Variants in RASA3 observed in about 807,000 individuals in gnomAD.
RASA3 encodes the protein ras GTPase-activating protein 3.
RASA3 carries 73 observed loss-of-function variants against 110.0 expected under a neutral mutation model. The observed-to-expected ratio is 0.66, with a 90% CI of 0.55 to 0.81. RASA3 has a LOEUF of 0.81. RASA3 is among the 30% of genes least tolerant of loss of function. RASA3 has a pLI of 0.00. For missense variants in RASA3, 976 were observed against 1,113.2 expected, an observed-to-expected ratio of 0.88 and a Z score of 1.75; for synonymous variants, 500 against 451.4, an observed-to-expected ratio of 1.11 and a Z score of -1.37.
At chr13:114,004,710 G>A (rs1480982528) in intron 18 of RASA3, among the ~76,000 whole-genome samples, 1 of 152,140 alleles carries the variant, frequency 6.6e-6, no homozygotes, top group African/African-American at 2.4e-5. Context: ...AGCGCTTAAG[G>A]AAACCCACGG....
intron 1 of RASA3, among the ~76,000 whole-genome samples, chr13:114,107,975 C>T (rs139303364): frequency 1.4e-3 from 210 of 152,190 alleles, no homozygotes; most frequent in African/African-American, 2.7e-3. Flanking sequence ...GCTTCCTCGC[C>T]GGCATGGTGG....
intron 12 of RASA3, 102 bp downstream of exon 12, chr13:114,017,135 A>C: frequency 9.3e-7 from 1 of 1,079,066 alleles, no homozygotes; most frequent in Non-Finnish European, 1.4e-6. Flanking sequence ...GCCGACATTC[A>C]AGCCCAGCTC....
Position 114,018,835 on chromosome 13 carries a change from C to A in RASA3, c.870G>T (p.Thr290=). 6.2e-7 allele frequency: 1 copy of A among 1,613,896 alleles called. No individual in the cohort carries two copies. Among genetic ancestry groups the A allele is most frequent in the Non-Finnish European group, 8.5e-7 (1 of 1,180,008 alleles). Residue 290 remains threonine, a synonymous_variant, in exon 10 of 24, where the codon ACG becomes ACT. Transcript: ENST00000334062. The part of the protein sequence containing the change: ...LGSLRLNVVY[T]EDHVFSSDYY... ...AGTCAGAAGAAAACACGTGGTCTTC[C>A]GTGTATACCACGTTCAGCCGCAGGG...
intron 1 of RASA3, among the ~76,000 whole-genome samples, chr13:114,101,384 G>T (rs576260941): frequency 6.6e-6 from 1 of 152,244 alleles, no homozygotes; most frequent in Non-Finnish European, 1.5e-5. Context: ...CCCACCAGGG[G>T]ACTGCACCTC....
rs1399513889 is a variant in RASA3, at chr13:114,017,365, A to G, written c.1092-14T>C. 6.2e-7 allele frequency: 1 copy of G among 1,604,294 alleles called. No homozygotes were observed. Among genetic ancestry groups the G allele is most frequent in the Admixed American group, 1.7e-5 (1 of 60,004 alleles). On this transcript the variant is annotated splice_polypyrimidine_tract_variant and intron_variant, in intron 11 of 23. Transcript: ENST00000334062. ...GTGTTGGGGTCCCTGGGAAATGGCG[A>G]TGGGGACAGCGTTTGTCTCCTGGGG...
In RASA3 at chr13:114,066,875, C is replaced by T. The variant is rs574067811; in HGVS notation, c.173+6845G>A. Among the ~76,000 whole-genome samples, 14 of 152,334 alleles carry T rather than the reference C, an allele frequency of 9.2e-5. 1 individual carries two copies. The South Asian group carries it at 2.9e-3, about 32-fold the overall frequency. ...CAGGACTGAGAGAACAGATCCCTGG[C>T]CTGGGGTGCTCTGGGGCTGAGGATG... On this transcript the variant is annotated intron_variant, in intron 2 of 23. Transcript: ENST00000334062.
rs1180810937 is a variant in RASA3, at chr13:114,114,413, G to C, written c.55+18022C>G. Reference sequence around the variant, plus strand: ...CTGGCACGCAGAGGGGTGAAGGAACGGGGACACGGATGGATGGAGGGAGAT... The same window carrying C: ...CTGGCACGCAGAGGGGTGAAGGAACCGGGACACGGATGGATGGAGGGAGAT... On this transcript the variant is annotated intron_variant, in intron 1 of 23. Coordinates refer to ENST00000334062, the MANE Select transcript of RASA3 (RefSeq NM_007368.4). This position sits in a 1 kb window ranked among gnomAD's most constrained non-coding sequence, Gnocchi z 4.8. Among the ~76,000 whole-genome samples the C allele has an allele frequency of 2.6e-5, 4 of 152,326 alleles. No individual in the cohort carries two copies. The highest frequency in any genetic ancestry group is 9.6e-5 in the African/African-American group (4 of 41,574).
Position 114,096,765 on chromosome 13 carries a change from G to A in RASA3, c.56-22928C>T, listed in dbSNP as rs771343743. 3.3e-5 allele frequency among the ~76,000 whole-genome samples: 5 copies of A among 151,970 alleles called. No homozygotes were observed. Among genetic ancestry groups the A allele is most frequent in the East Asian group, 1.9e-4 (1 of 5,184 alleles). On this transcript the variant is annotated intron_variant, in intron 1 of 23. Transcript: ENST00000334062. The surrounding 1 kb of genome is among the most constrained non-coding windows in gnomAD (Gnocchi z 5.1). ...ACTCAACAGCTCTCCAGCACCCACC[G>A]AATGAAGCACTGACCCTTCAGCCAG...
At chr13:114,041,793 G>A (rs955817796) in intron 3 of RASA3, among the ~76,000 whole-genome samples, 2 of 152,242 alleles carry the variant, frequency 1.3e-5, no homozygotes, top group African/African-American at 4.8e-5. Flanking sequence ...ACGTGGGTTG[G>A]TCTGAATCTG....
intron 3 of RASA3, 52 bp downstream of exon 3, chr13:114,052,000 C>T: frequency 7.1e-7 from 1 of 1,416,690 alleles, no homozygotes; most frequent in Non-Finnish European, 1.0e-6. Context: ...CTAATACTCG[C>T]CTGGTACAGA....
At chr13:114,055,458 G>A (rs143928963) in intron 2 of RASA3, among the ~76,000 whole-genome samples, 13 of 152,314 alleles carry the variant, frequency 8.5e-5, no homozygotes, top group East Asian at 1.9e-4. Flanking sequence ...TGCGGACAGC[G>A]TCCCCACTGG....
intron 18 of RASA3, among the ~76,000 whole-genome samples, chr13:114,004,007 T>C (rs1331392465): frequency 6.6e-6 from 1 of 152,246 alleles, no homozygotes; most frequent in African/African-American, 2.4e-5. Flanking sequence ...AATTTTTCCT[T>C]ATGGCACCGA....
At chr13:114,077,522 C>A (rs896119289) in intron 1 of RASA3, among the ~76,000 whole-genome samples, 1 of 143,636 alleles carries the variant, frequency 7.0e-6, no homozygotes, top group Non-Finnish European at 1.5e-5. Flanking sequence ...ACCAACGCAC[C>A]GGATTCATCC....
At chr13:114,125,301 C>T (rs770400882) in intron 1 of RASA3, among the ~76,000 whole-genome samples, 2 of 152,064 alleles carry the variant, frequency 1.3e-5, no homozygotes, top group Admixed American at 6.6e-5. Flanking sequence ...TCAAAATAAA[C>T]GAGGTTTATT....
rs541895094 is a variant in RASA3 at position 114,106,260 on chromosome 13, A to T, written c.55+26175T>A. ...CGCGCACCGTATCTCCACGGAGCAA[A>T]ATAAGAATGGAGAGAAACTAACGCA... On this transcript the variant is annotated intron_variant, in intron 1 of 23. Coordinates refer to ENST00000334062, the MANE Select transcript of RASA3 (RefSeq NM_007368.4). Among the ~76,000 whole-genome samples the T allele has an allele frequency of 3.9e-5, 6 of 152,320 alleles. No individual in the cohort carries two copies. The East Asian group carries it at 1.2e-3, about 29-fold the overall frequency.
At chr13:114,070,971 AGG>A (rs1235977363) in intron 2 of RASA3, among the ~76,000 whole-genome samples, 27 of 138,662 alleles carry the variant, frequency 1.9e-4, no homozygotes, top group African/African-American at 5.8e-4. Flanking sequence ...ACACGTGGGC[AGG>A]GCTGCCGGCG....
intron 16 of RASA3, among the ~76,000 whole-genome samples, 178 bp from the exon 17 acceptor site, chr13:114,009,642 T>G (rs1045263866): frequency 6.6e-6 from 1 of 152,188 alleles, no homozygotes; most frequent in Non-Finnish European, 1.5e-5. Flanking sequence ...ATCACATAAA[T>G]CGCTCAGGCG....
intron 22 of RASA3, among the ~76,000 whole-genome samples, chr13:113,990,598 T>C (rs1041513262): frequency 1.3e-5 from 2 of 152,222 alleles, no homozygotes; most frequent in Non-Finnish European, 2.9e-5. Flanking sequence ...TGAGGCCTTG[T>C]GCCATCTTCA....
At chr13:114,025,698 T>C (rs898359443) in intron 7 of RASA3, among the ~76,000 whole-genome samples, 1 of 152,256 alleles carries the variant, frequency 6.6e-6, no homozygotes, top group Non-Finnish European at 1.5e-5. Context: ...ATGAGATTAT[T>C]TAATCTCATT....
Sources: allele counts gnomAD v4.1 joint callset (sites outside exome capture counted in the v4.1 genomes callset), GRCh38; gene constraint gnomAD v4.1.1; non-coding constraint Gnocchi (gnomAD v3.1); transcripts MANE v1.5; gene names NCBI Gene and HGNC (gene_info 2026-07-23, HGNC 2026-07-21).